Variants in GPC5 observed in about 807,000 individuals in gnomAD.
GPC5 encodes glypican-5.
GPC5 carries 47 observed loss-of-function variants against 53.9 expected under a neutral mutation model. The ratio of observed to expected loss-of-function variants is 0.87; its 90% CI spans 0.69 to 1.11. GPC5 has a LOEUF of 1.11. Among genes scored for constraint, GPC5 ranks in the 50% most tolerant of loss-of-function variants. GPC5 has a pLI of 0.00. For missense variants in GPC5, 748 were observed against 713.1 expected (o/e 1.05, Z -0.56); for synonymous variants, 286 against 263.3 (o/e 1.09, Z -0.84).
intron 2 of GPC5, among the ~76,000 whole-genome samples, chr13:91,658,257 T>C (rs1180086769): frequency 6.6e-6 from 1 of 152,184 alleles, no homozygotes; most frequent in Non-Finnish European, 1.5e-5. Context: ...AACAAGTCTA[T>C]AGTTTATGTA....
chr13:92,068,010 A>G (rs1390997959), intron 6 of GPC5, among the ~76,000 whole-genome samples: 1 of 151,940 alleles, frequency 6.6e-6, no homozygotes, highest in Non-Finnish European at 1.5e-5. Flanking sequence ...GGGAGAGAGA[A>G]AGATTTGCCT....
intron 6 of GPC5, among the ~76,000 whole-genome samples, chr13:92,085,022 G>A (rs73625249): frequency 0.024 from 3,611 of 152,204 alleles, 142 homozygotes; most frequent in African/African-American, 0.084. Flanking sequence ...CTTACATGGT[G>A]GAAGGGGCTA....
At chr13:92,316,715 A>G (rs1291570840) in intron 7 of GPC5, among the ~76,000 whole-genome samples, 1 of 152,106 alleles carries the variant, frequency 6.6e-6, no homozygotes, top group Non-Finnish European at 1.5e-5. Flanking sequence ...ACTCAAGATA[A>G]ATTTTCTGAA....
intron 6 of GPC5, among the ~76,000 whole-genome samples, chr13:91,949,458 C>T (rs1407489070): frequency 6.6e-6 from 1 of 152,128 alleles, no homozygotes; most frequent in African/African-American, 2.4e-5. Context: ...CAAAAACCTA[C>T]ATACAGCAAA....
At chr13:92,751,330 A>C (rs1351427983) in intron 7 of GPC5, among the ~76,000 whole-genome samples, 1 of 145,954 alleles carries the variant, frequency 6.9e-6, no homozygotes, top group Non-Finnish European at 1.5e-5. Context: ...AAAAAAAAAA[A>C]AAAAACCTTC....
intron 7 of GPC5, among the ~76,000 whole-genome samples, chr13:92,600,629 C>G (rs1346667704): frequency 6.7e-6 from 1 of 150,358 alleles, no homozygotes; most frequent in Non-Finnish European, 1.5e-5. Context: ...TCCTGAGTAG[C>G]TGGGATTACA....
At chr13:91,641,817 T>C (rs1168813049) in intron 2 of GPC5, among the ~76,000 whole-genome samples, 2 of 152,186 alleles carry the variant, frequency 1.3e-5, no homozygotes, top group African/African-American at 2.4e-5. Flanking sequence ...CTGGAAGCTA[T>C]AGGGAACACT....
chr13:91,564,992 T>TG (rs1428830197), intron 2 of GPC5, among the ~76,000 whole-genome samples: 39 of 11,634 alleles, frequency 3.4e-3, no homozygotes, highest in East Asian at 0.012. Context: ...TGGCTTTTTT[T>TG]TGGGGGGGGG....
chr13:91,520,601 G>T (rs1885751275), intron 2 of GPC5, among the ~76,000 whole-genome samples: 1 of 151,912 alleles, frequency 6.6e-6, no homozygotes, highest in African/African-American at 2.4e-5. Context: ...TTTCCAACTT[G>T]TCGCTTACTA....
rs77271653 is a variant in GPC5 at position 92,589,334 on chromosome 13, A to C, written c.1562-276948A>C. ...AGTCATGAGTTCAGTGCAGCAAGGAAGCATCATGCATTTACTCATAGTGCT... is the reference window on the plus strand; with the variant it reads ...AGTCATGAGTTCAGTGCAGCAAGGACGCATCATGCATTTACTCATAGTGCT... On this transcript the variant is annotated intron_variant, in intron 7 of 7. Transcript: ENST00000377067. Among the ~76,000 whole-genome samples the C allele has an allele frequency of 8.8e-3, 1,345 of 152,266 alleles. 22 individuals carry two copies. The highest frequency in any genetic ancestry group is 0.03 in the African/African-American group (1,259 of 41,548).
chr13:92,520,580 G>A (rs151049075), intron 7 of GPC5, among the ~76,000 whole-genome samples: 11,150 of 152,002 alleles, frequency 0.073, 1,238 homozygotes, highest in African/African-American at 0.24. Flanking sequence ...AAATTCAACA[G>A]CCCTTCATGC....
chr13:92,796,705 A>G (rs1876697942), intron 7 of GPC5, among the ~76,000 whole-genome samples: 1 of 151,882 alleles, frequency 6.6e-6, no homozygotes, highest in African/African-American at 2.4e-5. Flanking sequence ...TTCTTTTCTT[A>G]CCCTTTTTAT....
intron 5 of GPC5, among the ~76,000 whole-genome samples, chr13:91,863,299 G>C (rs1256055994): frequency 6.6e-6 from 1 of 151,968 alleles, no homozygotes; most frequent in Non-Finnish European, 1.5e-5. Context: ...TAAATACTTG[G>C]CTTCTATCCT....
intron 7 of GPC5, among the ~76,000 whole-genome samples, chr13:92,441,663 C>T (rs905911038): frequency 1.3e-5 from 2 of 152,134 alleles, no homozygotes; most frequent in Non-Finnish European, 2.9e-5. Flanking sequence ...TACTATGAAA[C>T]ACTGCTGAAA....
chr13:91,583,847 C>T lies in GPC5; in HGVS notation c.326-109340C>T, dbSNP rs2032461902. On this transcript the variant is annotated intron_variant, in intron 2 of 7. Coordinates refer to ENST00000377067, the MANE Select transcript of GPC5 (RefSeq NM_004466.6). ...AGATAGTGCAATACTTACCAGTGTA[C>T]CAGGTATGTTGCAAAAGCTTAAAAC... Among the ~76,000 whole-genome samples, 4 of 152,116 alleles carry T rather than the reference C, an allele frequency of 2.6e-5. No homozygotes were observed. The South Asian group carries it at 8.3e-4, about 32-fold the overall frequency.
At chr13:91,419,821 A>G (rs1878482898) in intron 1 of GPC5, among the ~76,000 whole-genome samples, 1 of 152,224 alleles carries the variant, frequency 6.6e-6, no homozygotes, top group African/African-American at 2.4e-5. Flanking sequence ...GCCATTACCT[A>G]TGGAATGCTT....
chr13:92,175,018 T>A (rs2042099556), intron 7 of GPC5, among the ~76,000 whole-genome samples: 2 of 152,214 alleles, frequency 1.3e-5, no homozygotes, highest in South Asian at 4.1e-4. Context: ...TCCTGCTAAA[T>A]TTTTTTGTAG....
intron 6 of GPC5, among the ~76,000 whole-genome samples, chr13:92,076,823 C>A (rs1389914446): frequency 1.3e-5 from 2 of 152,172 alleles, no homozygotes; most frequent in Non-Finnish European, 2.9e-5. Context: ...TCTCTATTAA[C>A]ATAGCTAGAT....
intron 7 of GPC5, among the ~76,000 whole-genome samples, chr13:92,257,473 T>A (rs2042734344): frequency 6.6e-6 from 1 of 151,548 alleles, no homozygotes; most frequent in African/African-American, 2.4e-5. Context: ...TGGTTTCTAT[T>A]ATGTGCAAGA....
Sources: gnomAD v4.1 joint callset for allele counts (sites outside exome capture counted in the v4.1 genomes callset) on GRCh38, gnomAD v4.1.1 for gene constraint, MANE v1.5 for transcripts, NCBI Gene and HGNC (gene_info 2026-07-23, HGNC 2026-07-21) for gene names.